Variants in AFAP1 observed in about 807,000 individuals in gnomAD.
The protein encoded by AFAP1 is actin filament-associated protein 1.
Under a neutral mutation model 93.9 loss-of-function variants are expected in AFAP1, and 75 were observed. The observed-to-expected ratio is 0.80, with a 90% CI of 0.66 to 0.97. AFAP1 has a LOEUF of 0.97. Among genes scored for constraint, AFAP1 ranks in the 50% least tolerant of loss-of-function variants. The pLI is 0.00. For synonymous variants in AFAP1, 517 were observed against 430.7 expected (o/e 1.20, Z -2.48); for missense variants, 1,201 against 1,050.8 (o/e 1.14, Z -1.98).
chr4:7,784,414 C>A (rs183963120), intron 12 of AFAP1, among the ~76,000 whole-genome samples: 1 of 152,290 alleles, frequency 6.6e-6, no homozygotes, highest in East Asian at 1.9e-4. Flanking sequence ...CACTCACCCC[C>A]ATGAGACTCA....
intron 1 of AFAP1, among the ~76,000 whole-genome samples, chr4:7,932,432 G>T (rs1721127848): frequency 6.6e-6 from 1 of 152,124 alleles, no homozygotes; most frequent in Non-Finnish European, 1.5e-5. Context: ...AATGTGAATC[G>T]CTGTTGGGTT....
At chr4:7,816,349 T>C (rs1720482311) in intron 7 of AFAP1, among the ~76,000 whole-genome samples, 1 of 152,180 alleles carries the variant, frequency 6.6e-6, no homozygotes. Flanking sequence ...AACCTATATA[T>C]ATACTGTCTC....
Position 7,759,598 on chromosome 4 carries a change from T to C in AFAP1, c.*4167A>G, listed in dbSNP as rs141901598. The C allele has an allele frequency of 1.6e-4, 24 of 152,794 alleles. No individual in the cohort carries two copies. The highest frequency in any genetic ancestry group is 5.8e-4 in the African/African-American group (24 of 41,590). The allele number at this position is 152,794 out of a possible 1,614,324, so 9.5% of individuals were successfully genotyped here. On this transcript the variant is annotated 3_prime_UTR_variant, in exon 18 of 18. Transcript: ENST00000420658. ...AAATGAATTATCCTCCTTCAAACTA[T>C]GTCATGAACTTGAAGTGACTGTTCC... is the stretch of plus-strand genomic sequence containing the variant.
At chr4:7,845,089 GA>G (rs1159436262) in intron 4 of AFAP1, among the ~76,000 whole-genome samples, 1 of 152,192 alleles carries the variant, frequency 6.6e-6, no homozygotes, top group African/African-American at 2.4e-5. Flanking sequence ...GGGAGGAACA[GA>G]AAGATTTAGA....
At chr4:7,926,746 T>C (rs1720788831) in intron 1 of AFAP1, among the ~76,000 whole-genome samples, 1 of 152,144 alleles carries the variant, frequency 6.6e-6, no homozygotes, top group African/African-American at 2.4e-5. Flanking sequence ...TTCTTTCTTT[T>C]TATTTTTTGA....
chr4:7,896,177 C>A (rs1718751250), intron 1 of AFAP1, among the ~76,000 whole-genome samples: 1 of 152,030 alleles, frequency 6.6e-6, no homozygotes, highest in African/African-American at 2.4e-5. Flanking sequence ...TAGAACTAAT[C>A]CAAATGGTCC....
At chr4:7,889,704 T>TAAAAAA (rs79942195) in intron 1 of AFAP1, among the ~76,000 whole-genome samples, 1 of 144,640 alleles carries the variant, frequency 6.9e-6, no homozygotes, top group Non-Finnish European at 1.5e-5. Flanking sequence ...TTTTTTTTTT[T>TAAAAAA]AAAAAAAGAA....
rs1713289946 is a variant in AFAP1 at position 7,843,365 on chromosome 4, C to T, written c.335-15G>A. On this transcript the variant is annotated splice_polypyrimidine_tract_variant and intron_variant, in intron 4 of 17. Transcript: ENST00000420658. ...GGAATCATAATCTGTAAAAAATAAA[C>T]ATACACTGGTAAAAAGGACTTCTTT... The T allele has an allele frequency of 1.2e-6, 2 of 1,600,396 alleles. No individual in the cohort carries two copies. The highest frequency in any genetic ancestry group is 1.7e-6 in the Non-Finnish European group (2 of 1,172,190).
intron 2 of AFAP1, among the ~76,000 whole-genome samples, chr4:7,869,034 GAAAGA>G (rs751909854): frequency 2.7e-4 from 24 of 87,290 alleles, no homozygotes; most frequent in African/African-American, 4.9e-4. Context: ...AAAGAAAAAA[GAAAGA>G]AAAGAAAAGA....
At chr4:7,911,493 C>T (rs1249660322) in intron 1 of AFAP1, among the ~76,000 whole-genome samples, 1 of 152,224 alleles carries the variant, frequency 6.6e-6, no homozygotes, top group East Asian at 1.9e-4. Flanking sequence ...CACACAGCTC[C>T]ACTTCTCACA....
chr4:7,931,760 A>G (rs796348739), intron 1 of AFAP1, among the ~76,000 whole-genome samples: 38 of 152,300 alleles, frequency 2.5e-4, no homozygotes, highest in African/African-American at 8.9e-4. Flanking sequence ...TCTCCCCATA[A>G]ACACACATGG....
In AFAP1 at chr4:7,901,023, G is replaced by A. The variant is rs904514406; in HGVS notation, c.-2-28943C>T. ...AATGCCTTCCTTCTGCGATTCCAGC[G>A]CAGATTTTAGGACTGCTCTCCCACT... On this transcript the variant is annotated intron_variant, in intron 1 of 17. Transcript: ENST00000420658. 5.9e-5 allele frequency among the ~76,000 whole-genome samples: 9 copies of A among 152,262 alleles called. No individual in the cohort carries two copies. The East Asian group carries it at 9.7e-4, about 16-fold the overall frequency.
chr4:7,822,090 T>C (rs1201800954), intron 6 of AFAP1, among the ~76,000 whole-genome samples: 1 of 98,062 alleles, frequency 1.0e-5, no homozygotes, highest in Non-Finnish European at 3.0e-5. Flanking sequence ...AAGGTGTTTA[T>C]TAAGTCTCCA....
chr4:7,923,075 C>G (rs2891928), intron 1 of AFAP1, among the ~76,000 whole-genome samples: 87,059 of 151,966 alleles, frequency 0.57, 27,747 homozygotes, highest in East Asian at 0.83. Context: ...ATGATTTAAT[C>G]CAGATATATA....
At chr4:7,870,611 C>T (rs1716938618) in intron 2 of AFAP1, among the ~76,000 whole-genome samples, 1 of 152,062 alleles carries the variant, frequency 6.6e-6, no homozygotes, top group South Asian at 2.1e-4. Context: ...GAGCAGTGAT[C>T]ACACCACTGC....
chr4:7,767,271 A>G (rs1714732243), intron 17 of AFAP1, among the ~76,000 whole-genome samples: 1 of 152,220 alleles, frequency 6.6e-6, no homozygotes. Context: ...CCATTCACCA[A>G]GAGGGAGCAA....
intron 1 of AFAP1, among the ~76,000 whole-genome samples, chr4:7,900,256 C>T (rs1367934631): frequency 6.6e-6 from 1 of 152,290 alleles, no homozygotes; most frequent in East Asian, 1.9e-4. Context: ...TCCAAGACTG[C>T]CTGTTACAGA....
chr4:7,864,258 C>G (rs140158495), intron 3 of AFAP1, among the ~76,000 whole-genome samples: 1 of 152,268 alleles, frequency 6.6e-6, no homozygotes, highest in East Asian at 1.9e-4. Flanking sequence ...GGCAGAGCTA[C>G]CTGCAACGCT....
At chr4:7,812,851 CTATT>C (rs1409719953) in intron 8 of AFAP1, among the ~76,000 whole-genome samples, 2 of 152,184 alleles carry the variant, frequency 1.3e-5, no homozygotes, top group African/African-American at 4.8e-5. Flanking sequence ...TACTGTCAGA[CTATT>C]TATTCAATGA....
Sources: allele counts gnomAD v4.1 joint callset (sites outside exome capture counted in the v4.1 genomes callset), GRCh38; gene constraint gnomAD v4.1.1; transcripts MANE v1.5; gene names NCBI Gene and HGNC (gene_info 2026-07-23, HGNC 2026-07-21).